HYCC1: variants seen among roughly 807,000 people sequenced by gnomAD.
The protein encoded by HYCC1 is hyccin PI4KA lipid kinase complex subunit 1.
At chr7:22,988,279 G>A in the HYCC1 span, among the ~76,000 whole-genome samples, 23 of 152,056 alleles carry the variant, frequency 1.5e-4, no homozygotes, top group Non-Finnish European at 7.4e-5. Context: ...TTCAAAATTG[G>A]GTAAAGTTAA....
chr7:22,999,575 T>G, the HYCC1 span, among the ~76,000 whole-genome samples: 4 of 152,166 alleles, frequency 2.6e-5, no homozygotes, highest in Admixed American at 2.0e-4. Flanking sequence ...GACAGCCCGT[T>G]CATATAATTT....
chr7:22,981,053 G>A, the HYCC1 span, among the ~76,000 whole-genome samples: 52,654 of 151,862 alleles, frequency 0.35, 9,178 homozygotes, highest in East Asian at 0.47. Flanking sequence ...TGATTCAATC[G>A]CCAACTTCCT....
At chr7:22,975,785 T>C in the HYCC1 span, among the ~76,000 whole-genome samples, 1 of 152,134 alleles carries the variant, frequency 6.6e-6, no homozygotes, top group Non-Finnish European at 1.5e-5. Context: ...GGTGCAATCA[T>C]AGCTCACTGT....
chr7:22,958,459 C>G, the HYCC1 span, among the ~76,000 whole-genome samples: 3 of 152,028 alleles, frequency 2.0e-5, no homozygotes, highest in Non-Finnish European at 4.4e-5. Context: ...TTATAATAAA[C>G]AGAGTTTCCC....
chr7:22,961,316 A>G, the HYCC1 span: 1 of 1,543,884 alleles, frequency 6.5e-7, no homozygotes, highest in Non-Finnish European at 8.9e-7. Context: ...CCCATTCTCC[A>G]TTATAACTAT....
the HYCC1 span, among the ~76,000 whole-genome samples, chr7:22,923,295 T>A: frequency 3.3e-5 from 5 of 152,152 alleles, no homozygotes; most frequent in Admixed American, 1.3e-4. Context: ...TAAAACAACA[T>A]ACTGCTAAAT....
At chr7:22,970,476 A>G in the HYCC1 span, among the ~76,000 whole-genome samples, 21 of 152,314 alleles carry the variant, frequency 1.4e-4, no homozygotes, top group East Asian at 9.6e-4. Flanking sequence ...GACCTCTTGA[A>G]GTTTCTAGCA....
chr7:22,910,567 T>A, the HYCC1 span, among the ~76,000 whole-genome samples: 1 of 152,198 alleles, frequency 6.6e-6, no homozygotes, highest in Non-Finnish European at 1.5e-5. Flanking sequence ...AAGAAACCAT[T>A]TCTTTTTTAA....
At chr7:22,953,246 C>T in the HYCC1 span, among the ~76,000 whole-genome samples, 1 of 151,882 alleles carries the variant, frequency 6.6e-6, no homozygotes, top group African/African-American at 2.4e-5. Flanking sequence ...AAAAACAGGT[C>T]AGCAACACCT....
chr7:22,983,050 G>A, the HYCC1 span, among the ~76,000 whole-genome samples: 11 of 152,028 alleles, frequency 7.2e-5, no homozygotes, highest in Admixed American at 7.2e-4. Context: ...GGCAGCTAGT[G>A]AGGCACAGTG....
the HYCC1 span, chr7:22,990,966 C>T: frequency 1.2e-6 from 1 of 807,944 alleles, no homozygotes; most frequent in African/African-American, 1.7e-5. Flanking sequence ...GATATTTAGC[C>T]TTTCAGTCAT....
the HYCC1 span, among the ~76,000 whole-genome samples, chr7:22,985,392 C>G: frequency 2.6e-5 from 4 of 152,256 alleles, no homozygotes; most frequent in Non-Finnish European, 2.9e-5. Flanking sequence ...ATACGCAAAT[C>G]TTTGCTGAGG....
chr7:22,994,628 G>A, the HYCC1 span, among the ~76,000 whole-genome samples: 1 of 152,052 alleles, frequency 6.6e-6, no homozygotes, highest in African/African-American at 2.4e-5. Flanking sequence ...GTATAGCTGA[G>A]CTCACATGGA....
At chr7:22,915,971 C>A in the HYCC1 span, among the ~76,000 whole-genome samples, 1 of 152,080 alleles carries the variant, frequency 6.6e-6, no homozygotes, top group African/African-American at 2.4e-5. Context: ...CCTTCACATC[C>A]TCCCCTTGTA....
chr7:23,005,427 A>G, the HYCC1 span, among the ~76,000 whole-genome samples: 1 of 152,204 alleles, frequency 6.6e-6, no homozygotes, highest in Non-Finnish European at 1.5e-5. Context: ...AATATTAATC[A>G]TTTGGACAAT....
the HYCC1 span, among the ~76,000 whole-genome samples, chr7:22,899,856 CT>C: frequency 6.7e-6 from 1 of 150,224 alleles, no homozygotes; most frequent in African/African-American, 2.4e-5. Context: ...CTCTCTTTTG[CT>C]TTTTTTTTAA....
chr7:22,964,475 C>T, the HYCC1 span: 1 of 1,611,322 alleles, frequency 6.2e-7, no homozygotes. Context: ...TGGTATCCTG[C>T]TACTTATACC....
the HYCC1 span, chr7:22,942,197 A>C: frequency 6.6e-6 from 1 of 152,310 alleles, no homozygotes; most frequent in Middle Eastern, 3.4e-3. Flanking sequence ...GGTTTTAAAA[A>C]TATATTTCCC....
chr7:22,969,552 ACT>A, the HYCC1 span, among the ~76,000 whole-genome samples: 1 of 143,790 alleles, frequency 7.0e-6, no homozygotes, highest in East Asian at 2.0e-4. Flanking sequence ...ATGGAATCTC[ACT>A]CTGTCGCCCA....
Sources: allele counts gnomAD v4.1 joint callset (sites outside exome capture counted in the v4.1 genomes callset), GRCh38; gene constraint gnomAD v4.1.1; transcripts MANE v1.5; gene names NCBI Gene and HGNC (gene_info 2026-07-23, HGNC 2026-07-21).